LRIF1: variants seen among roughly 807,000 people sequenced by gnomAD.
LRIF1 encodes the protein ligand dependent nuclear receptor interacting factor 1, also known as ligand-dependent nuclear receptor-interacting factor 1.
A neutral mutation model predicts 52.7 loss-of-function variants in LRIF1; 32 were observed. The observed-to-expected ratio is 0.61, with a 90% CI of 0.46 to 0.82. The LOEUF (loss-of-function observed/expected upper bound fraction) is 0.82, where lower values mean the gene tolerates loss of function less well. Ranked by LOEUF, LRIF1 falls within the 40% of genes least tolerant of loss-of-function variation. The pLI is 0.00. For synonymous variants in LRIF1, 323 were observed against 317.4 expected, an observed-to-expected ratio of 1.02 and a Z score of -0.19; for missense variants, 887 against 892.0, an observed-to-expected ratio of 0.99 and a Z score of 0.07.
Position 110,947,973 on chromosome 1 carries a change from T to C in LRIF1, c.2296A>G (p.Met766Val). Reference sequence around the variant, plus strand: ...TACAGGAGATTTTATTTTTGGTGCATCTTCTTACGCATTTCTTCAAGAGCT... The same window carrying C: ...TACAGGAGATTTTATTTTTGGTGCACCTTCTTACGCATTTCTTCAAGAGCT... ...EAALEEMRKK[M>V]HQK The change falls in exon 4 of 4, where the codon ATG (methionine) becomes GTG (valine). Residue 766 changes from methionine to valine, a missense_variant. Met to Val is a conservative substitution (Grantham distance 21). Coordinates refer to ENST00000369763, the MANE Select transcript of LRIF1 (RefSeq NM_018372.4). 1.9e-6 allele frequency: 3 copies of C among 1,572,814 alleles called. No individual in the cohort carries two copies. Among genetic ancestry groups the C allele is most frequent in the Non-Finnish European group, 2.6e-6 (3 of 1,163,690 alleles).
the LRIF1 span, among the ~76,000 whole-genome samples, chr1:110,884,447 T>C: frequency 7.9e-5 from 12 of 152,272 alleles, no homozygotes; most frequent in Admixed American, 7.2e-4. Context: ...TCTGCTGTTG[T>C]GGGGTGGAGT....
chr1:110,927,797 C>T, the LRIF1 span, among the ~76,000 whole-genome samples: 1 of 152,210 alleles, frequency 6.6e-6, no homozygotes, highest in East Asian at 1.9e-4. Context: ...CCTAGCCAGG[C>T]TGACATATTA....
the LRIF1 span, among the ~76,000 whole-genome samples, chr1:110,904,138 G>C: frequency 6.6e-6 from 1 of 152,184 alleles, no homozygotes; most frequent in South Asian, 2.1e-4. Context: ...GAGTTCTAAG[G>C]TTTTCCACTC....
At chr1:110,892,031 T>C in the LRIF1 span, among the ~76,000 whole-genome samples, 5 of 152,212 alleles carry the variant, frequency 3.3e-5, no homozygotes, top group African/African-American at 1.2e-4. Flanking sequence ...GAGAAAGCCA[T>C]GTGTGAGCGA....
chr1:110,962,907 A>G (rs1232321816), intron 1 of LRIF1, among the ~76,000 whole-genome samples: 1 of 151,904 alleles, frequency 6.6e-6, no homozygotes, highest in South Asian at 2.1e-4. Flanking sequence ...TTTCCTTGTA[A>G]TACAATTTAA....
chr1:110,924,269 G>C, the LRIF1 span, among the ~76,000 whole-genome samples: 1 of 152,054 alleles, frequency 6.6e-6, no homozygotes, highest in Non-Finnish European at 1.5e-5. Flanking sequence ...GGTTTCACTG[G>C]TGAATTCTAC....
the LRIF1 span, chr1:110,894,531 C>T: frequency 6.9e-6 from 5 of 728,524 alleles, no homozygotes; most frequent in Non-Finnish European, 1.2e-5. Context: ...ATAGAGGAAA[C>T]AGAGAGTAAT....
chr1:110,876,149 A>G, the LRIF1 span, among the ~76,000 whole-genome samples: 1 of 152,354 alleles, frequency 6.6e-6, no homozygotes, highest in South Asian at 2.1e-4. Context: ...TTAACTCACA[A>G]TGAGAGCCAA....
At chr1:110,881,659 G>A in the LRIF1 span, among the ~76,000 whole-genome samples, 2 of 152,170 alleles carry the variant, frequency 1.3e-5, no homozygotes, top group African/African-American at 4.8e-5. Context: ...ATAAGTATAT[G>A]TTTAACTTTG....
chr1:110,919,719 G>T, the LRIF1 span, among the ~76,000 whole-genome samples: 34 of 152,252 alleles, frequency 2.2e-4, no homozygotes, highest in Non-Finnish European at 1.0e-4. Context: ...TATGCTCAAT[G>T]AAAATGTCTT....
the LRIF1 span, among the ~76,000 whole-genome samples, chr1:110,915,073 A>C: frequency 1.9e-4 from 29 of 152,350 alleles, no homozygotes; most frequent in African/African-American, 6.7e-4. Flanking sequence ...TACAATGGGC[A>C]AATAAATTAT....
chr1:110,955,851 A>G (rs1283581155), intron 1 of LRIF1, among the ~76,000 whole-genome samples: 1 of 152,252 alleles, frequency 6.6e-6, no homozygotes, highest in Non-Finnish European at 1.5e-5. Flanking sequence ...CAAGTGAGCC[A>G]GTTCAGGGAA....
chr1:110,878,543 CTT>C, the LRIF1 span, among the ~76,000 whole-genome samples: 3 of 152,044 alleles, frequency 2.0e-5, no homozygotes, highest in Admixed American at 6.6e-5. Context: ...TTATACTTTT[CTT>C]TATTTTTTAA....
chr1:110,934,933 G>A, the LRIF1 span, among the ~76,000 whole-genome samples: 1 of 152,202 alleles, frequency 6.6e-6, no homozygotes, highest in Admixed American at 6.5e-5. Flanking sequence ...CATAGTGGTG[G>A]TGGCCACAGA....
chr1:110,926,807 A>G, the LRIF1 span, among the ~76,000 whole-genome samples: 1 of 152,186 alleles, frequency 6.6e-6, no homozygotes, highest in Admixed American at 6.6e-5. Context: ...AAGGATCAAG[A>G]ATGTCAAGAT....
chr1:110,880,477 T>C, the LRIF1 span: 1 of 152,070 alleles, frequency 6.6e-6, no homozygotes, highest in Non-Finnish European at 1.5e-5. Flanking sequence ...AGCCAGCTGG[T>C]GTTCTGTGGA....
the LRIF1 span, among the ~76,000 whole-genome samples, chr1:110,922,163 CT>C: frequency 1.3e-5 from 2 of 152,122 alleles, no homozygotes; most frequent in East Asian, 1.9e-4. Context: ...TGATCTTGTT[CT>C]TTTTTATGGC....
At chr1:110,885,425 C>T in the LRIF1 span, among the ~76,000 whole-genome samples, 1 of 152,148 alleles carries the variant, frequency 6.6e-6, no homozygotes, top group Non-Finnish European at 1.5e-5. Context: ...GTAGTCCTAG[C>T]CACTCGGGAG....
the LRIF1 span, among the ~76,000 whole-genome samples, chr1:110,907,409 T>G: frequency 6.6e-6 from 1 of 152,188 alleles, no homozygotes; most frequent in African/African-American, 2.4e-5. Context: ...GGATAAGGAC[T>G]TAATTTTGGT....
Sources: allele counts gnomAD v4.1 joint callset (sites outside exome capture counted in the v4.1 genomes callset), GRCh38; gene constraint gnomAD v4.1.1; transcripts MANE v1.5; gene names NCBI Gene and HGNC (gene_info 2026-07-23, HGNC 2026-07-21).